Variants in SEMA3D observed in about 807,000 individuals in gnomAD.
SEMA3D encodes the protein semaphorin-3D.
A neutral mutation model predicts 100.1 loss-of-function variants in SEMA3D; 84 were observed. The ratio of observed to expected loss-of-function variants is 0.84; its 90% CI spans 0.70 to 1.01. The LOEUF (loss-of-function observed/expected upper bound fraction) is 1.01, where lower values mean the gene tolerates loss of function less well. Among genes scored for constraint, SEMA3D ranks in the 50% least tolerant of loss-of-function variants. SEMA3D has a pLI of 0.00. For synonymous variants in SEMA3D, 312 were observed against 320.7 expected (o/e 0.97, Z 0.29); for missense variants, 875 against 934.1 (o/e 0.94, Z 0.82).
At chr7:85,087,117 A>C (rs1442708089) in intron 4 of SEMA3D, among the ~76,000 whole-genome samples, 1 of 152,212 alleles carries the variant, frequency 6.6e-6, no homozygotes, top group African/African-American at 2.4e-5. Flanking sequence ...ATGAAACAGC[A>C]CACAACAAAG....
chr7:85,130,828 C>T (rs1583952822), intron 2 of SEMA3D, among the ~76,000 whole-genome samples: 1 of 152,092 alleles, frequency 6.6e-6, no homozygotes, highest in East Asian at 1.9e-4. Context: ...TCTTCCGTAA[C>T]TCTTCTGGGA....
At chr7:85,116,338 TTATG>T (rs1230075263) in intron 3 of SEMA3D, among the ~76,000 whole-genome samples, 4 of 146,536 alleles carry the variant, frequency 2.7e-5, no homozygotes, top group East Asian at 2.0e-4. Context: ...ATGTATATAT[TTATG>T]TATATTTATA....
At chr7:85,083,846 C>CA (rs1302315425) in intron 4 of SEMA3D, among the ~76,000 whole-genome samples, 1,260 of 102,474 alleles carry the variant, frequency 0.012, 10 homozygotes, top group South Asian at 0.023. Flanking sequence ...GACTCCGTCT[C>CA]AAAAAAAAAA....
chr7:85,102,583 A>T lies in SEMA3D; in HGVS notation c.152-4618T>A, dbSNP rs540458380. On this transcript the variant is annotated intron_variant, in intron 3 of 18. Transcript: ENST00000284136. ...TTTGGTTATTATGCAGGTGATTTGA[A>T]GCTACTAAAATGTTTTATTCAGAAA... Among the ~76,000 whole-genome samples, 30 of 152,110 alleles carry T rather than the reference A, an allele frequency of 2.0e-4. No individual in the cohort carries two copies. In the East Asian group the frequency reaches 3.7e-3, roughly 19 times the overall value.
rs1285171724 is a variant in SEMA3D at position 85,128,910 on chromosome 7, T to G, written c.-40-6979A>C. On this transcript the variant is annotated intron_variant, in intron 2 of 18. Coordinates refer to ENST00000284136, the MANE Select transcript of SEMA3D (RefSeq NM_001384900.1). ...TTTTTTTTTTTTTTTTTTTTAGAGA[T>G]AGATAGGGTCTCACTCTGTAACTGA... 2.8e-3 allele frequency among the ~76,000 whole-genome samples: 372 copies of G among 132,278 alleles called. 3 individuals are homozygous for G. The highest frequency in any genetic ancestry group is 0.01 in the African/African-American group (358 of 34,672). The allele number at this position is 132,278 out of a possible 152,430, so 86.8% of individuals were successfully genotyped here. A position where few individuals can be genotyped will look rare whatever the true frequency, so the allele number is the denominator to read the frequency against.
In SEMA3D at chr7:85,184,384, T is replaced by C. The variant is rs1791483318; in HGVS notation, c.-173+2294A>G. On this transcript the variant is annotated intron_variant, in intron 1 of 18. Transcript: ENST00000284136. Reference sequence around the variant, plus strand: ...TATCATCTCTAAAATAATAACTACCTAGCTTATTCCCCCAGCAATACAATT... The same window carrying C: ...TATCATCTCTAAAATAATAACTACCCAGCTTATTCCCCCAGCAATACAATT... Among the ~76,000 whole-genome samples the C allele has an allele frequency of 3.3e-5, 5 of 152,166 alleles. 1 individual carries two copies. In the South Asian group the frequency reaches 1.0e-3, roughly 31 times the overall value.
chr7:85,152,153 A>G (rs1174092002), intron 2 of SEMA3D, among the ~76,000 whole-genome samples: 2 of 151,856 alleles, frequency 1.3e-5, no homozygotes, highest in Non-Finnish European at 2.9e-5. Flanking sequence ...CTTTGTTCAG[A>G]GTGAGGGTTC....
chr7:85,171,730 GC>G (rs1791087741), intron 1 of SEMA3D, among the ~76,000 whole-genome samples: 1 of 151,686 alleles, frequency 6.6e-6, no homozygotes, highest in African/African-American at 2.4e-5. Flanking sequence ...AGAGAATCAA[GC>G]CAGCAAATTT....
intron 11 of SEMA3D, 49 bp downstream of exon 11, chr7:85,040,624 C>T (rs756686138): frequency 1.1e-6 from 1 of 899,578 alleles, no homozygotes; most frequent in African/African-American, 1.7e-5. Flanking sequence ...TATTGGCTTG[C>T]ATACATATAC....
chr7:85,146,661 G>A (rs1319201002), intron 2 of SEMA3D, among the ~76,000 whole-genome samples: 1 of 151,928 alleles, frequency 6.6e-6, no homozygotes, highest in Non-Finnish European at 1.5e-5. Flanking sequence ...ATAAAAACTA[G>A]CCTAATAGCA....
intron 2 of SEMA3D, among the ~76,000 whole-genome samples, chr7:85,147,178 C>T (rs1328486129): frequency 7.3e-6 from 1 of 137,658 alleles, no homozygotes; most frequent in Non-Finnish European, 1.5e-5. Flanking sequence ...TCTTGGCTCA[C>T]CGCAACCTCT....
At chr7:85,139,582 G>T (rs900054272) in intron 2 of SEMA3D, among the ~76,000 whole-genome samples, 1 of 151,880 alleles carries the variant, frequency 6.6e-6, no homozygotes, top group Admixed American at 6.6e-5. Context: ...AACTTATAAT[G>T]AAAATGTTTC....
At chr7:85,231,927 G>T in the SEMA3D span, among the ~76,000 whole-genome samples, 2 of 152,044 alleles carry the variant, frequency 1.3e-5, no homozygotes, top group African/African-American at 4.8e-5. Flanking sequence ...TAAAAAATAT[G>T]GTCACTGTAT....
At chr7:85,074,050 T>A (rs542002541) in intron 5 of SEMA3D, among the ~76,000 whole-genome samples, 12 of 152,352 alleles carry the variant, frequency 7.9e-5, no homozygotes, top group African/African-American at 2.9e-4. Flanking sequence ...TGATACTCTA[T>A]CTTTACATAA....
chr7:85,134,236 A>AT (rs754538368), intron 2 of SEMA3D, among the ~76,000 whole-genome samples: 5 of 146,694 alleles, frequency 3.4e-5, no homozygotes, highest in East Asian at 3.9e-4. Context: ...AATGAAAAAT[A>AT]TTTTTTTAGA....
chr7:85,171,633 GTAA>G (rs767469069), intron 1 of SEMA3D, among the ~76,000 whole-genome samples: 6 of 151,594 alleles, frequency 4.0e-5, no homozygotes, highest in Non-Finnish European at 5.9e-5. Context: ...ACACCTAAAG[GTAA>G]TAATTTGAAA....
At chr7:85,087,595 G>C (rs758211897) in intron 4 of SEMA3D, among the ~76,000 whole-genome samples, 1 of 152,118 alleles carries the variant, frequency 6.6e-6, no homozygotes, top group Non-Finnish European at 1.5e-5. Context: ...TACAGATCTA[G>C]TTGATAACAG....
intron 18 of SEMA3D, among the ~76,000 whole-genome samples, chr7:85,000,420 G>C (rs1286234620): frequency 1.3e-5 from 2 of 152,180 alleles, no homozygotes; most frequent in Non-Finnish European, 2.9e-5. Context: ...AGTAGCATAT[G>C]AAAGCCATAA....
chr7:85,138,042 T>C (rs952774247), intron 2 of SEMA3D, among the ~76,000 whole-genome samples: 1 of 152,136 alleles, frequency 6.6e-6, no homozygotes, highest in Admixed American at 6.6e-5. Context: ...CCAAAAAATT[T>C]GGAAAGATGC....
Sources: gnomAD v4.1 joint callset for allele counts (sites outside exome capture counted in the v4.1 genomes callset) on GRCh38, gnomAD v4.1.1 for gene constraint, MANE v1.5 for transcripts, NCBI Gene and HGNC (gene_info 2026-07-23, HGNC 2026-07-21) for gene names.